ANO7: variants seen among roughly 807,000 people sequenced by gnomAD.
ANO7 encodes anoctamin 7, also known as anoctamin-7.
Under a neutral mutation model 115.8 loss-of-function variants are expected in ANO7, and 114 were observed. The observed-to-expected ratio is 0.98, with a 90% CI of 0.85 to 1.15. ANO7 has a LOEUF of 1.15. Ranked by LOEUF, ANO7 falls within the 50% of genes most tolerant of loss-of-function variation. ANO7 has a pLI of 0.00. For synonymous variants in ANO7, 550 were observed against 498.2 expected (o/e 1.10, Z -1.38); for missense variants, 1,302 against 1,201.2 (o/e 1.08, Z -1.24).
chr2:241,227,584 A>C (rs555943485), downstream of ANO7: 5 of 152,760 alleles, frequency 3.3e-5, no homozygotes, highest in Admixed American at 6.5e-5. Flanking sequence ...AGGAAAAGAG[A>C]GCGCTGAACA....
At chr2:241,196,135 C>T (rs370295161) in intron 4 of ANO7, 96 of 1,347,190 alleles carry the variant, frequency 7.1e-5, no homozygotes, top group Non-Finnish European at 8.8e-5. Flanking sequence ...TCACCTGTCC[C>T]GTCTCCAACA....
chr2:241,201,802 G>A (rs748386303), intron 7 of ANO7, among the ~76,000 whole-genome samples: 39 of 150,614 alleles, frequency 2.6e-4, no homozygotes, highest in Non-Finnish European at 1.8e-4. Flanking sequence ...CAGTCACGTG[G>A]CTGCCCAGGT....
At chr2:241,233,982 A>C in the ANO7 span, 3 of 1,613,868 alleles carry the variant, frequency 1.9e-6, no homozygotes, top group Non-Finnish European at 1.7e-6. The surrounding 1 kb of genome is among the most constrained non-coding windows in gnomAD (Gnocchi z 4.3). Flanking sequence ...GAAAGGAGCA[A>C]GAATGAGGCA....
At chr2:241,200,825 C>T (rs1435286530) in intron 6 of ANO7, among the ~76,000 whole-genome samples, 2 of 152,240 alleles carry the variant, frequency 1.3e-5, no homozygotes, top group Admixed American at 6.5e-5. Context: ...CCGTGTTGCC[C>T]CACCTATGGC....
chr2:241,218,595 T>C (rs2068929433), intron 21 of ANO7, among the ~76,000 whole-genome samples: 1 of 152,058 alleles, frequency 6.6e-6, no homozygotes, highest in African/African-American at 2.4e-5. Context: ...GGAGGGCAAA[T>C]CGTGGATTCT....
chr2:241,235,067 G>A, the ANO7 span: 1 of 1,593,804 alleles, frequency 6.3e-7, no homozygotes, highest in Admixed American at 1.7e-5. Flanking sequence ...TCTGACATGT[G>A]CCCAAAGCTG....
At chr2:241,215,318 C>T (rs929044992) in intron 18 of ANO7, among the ~76,000 whole-genome samples, 9 of 152,236 alleles carry the variant, frequency 5.9e-5, no homozygotes, top group Non-Finnish European at 1.3e-4. Flanking sequence ...CTCAGACACA[C>T]GTCTGCCTCA....
intron 3 of ANO7, 67 bp from the exon 4 acceptor site, chr2:241,195,636 C>T (rs1227745922): frequency 6.6e-6 from 10 of 1,511,656 alleles, no homozygotes; most frequent in Non-Finnish European, 7.3e-6. Flanking sequence ...GGGATGCTGG[C>T]ATCCCTTCCC....
At position 241,223,828 on chromosome 2, in the gene ANO7, A is replaced by G. The variant is rs368350589; in HGVS notation, c.2532+47A>G. ...CGGCCCTCCCCCCAGCCCTCTCCCT[A>G]TCCTTGTCAGTGGCTGCTCTACCTC... On this transcript the variant is annotated intron_variant, in intron 23 of 24. Coordinates refer to ENST00000674324, the MANE Select transcript of ANO7 (RefSeq NM_001370694.2). 6 of 1,613,640 alleles carry G rather than the reference A, an allele frequency of 3.7e-6. No homozygotes were observed. In the African/African-American group the frequency reaches 5.3e-5, roughly 14 times the overall value.
chr2:241,204,902 G>A lies in ANO7; in HGVS notation c.927G>A (p.Val309=). The change falls in exon 10 of 25, where the codon GTG becomes GTA. Residue 309 remains valine, a synonymous_variant. Transcript: ENST00000674324. Reference sequence around the variant, plus strand: ...GCTGGCTCCTGCCAGCGGCAGTGGTGGGCACACTGGTGTTCCTGGTGGGCT... The same window carrying A: ...GCTGGCTCCTGCCAGCGGCAGTGGTAGGCACACTGGTGTTCCTGGTGGGCT... The part of the protein sequence containing the change: ...YTGWLLPAAV[V]GTLVFLVGCF... 6.2e-7 allele frequency: 1 copy of A among 1,613,980 alleles called. No individual in the cohort carries two copies. Among genetic ancestry groups the A allele is most frequent in the South Asian group, 1.1e-5 (1 of 91,070 alleles).
At chr2:241,230,668 A>AG (rs1031448185), downstream of ANO7, 20 of 1,113,056 alleles carry the variant, frequency 1.8e-5, no homozygotes, top group African/African-American at 1.8e-4. This position sits in a 1 kb window ranked among gnomAD's most constrained non-coding sequence, Gnocchi z 5.0. Context: ...CATCATCTTG[A>AG]GGGGAAGGCC....
downstream of ANO7, chr2:241,229,965 CAGG>C (rs1164604378): frequency 1.4e-5 from 23 of 1,593,308 alleles, no homozygotes; most frequent in Non-Finnish European, 1.9e-5. Context: ...CAGCTAGCTG[CAGG>C]CAGAAGACAG....
At chr2:241,212,267 C>A in intron 16 of ANO7, 62 bp downstream of exon 16, 1 of 1,469,192 alleles carries the variant, frequency 6.8e-7, no homozygotes, top group Non-Finnish European at 9.5e-7. Flanking sequence ...TCATGTTTCC[C>A]GCTGCCTGGG....
downstream of ANO7, chr2:241,229,784 G>GGGGCC: frequency 1.3e-6 from 2 of 1,502,546 alleles, no homozygotes; most frequent in South Asian, 1.2e-5. Context: ...AAGCCCGCCT[G>GGGGCC]CCCGCCCACC....
chr2:241,212,363 A>C (rs2068736618), intron 16 of ANO7, among the ~76,000 whole-genome samples, 158 bp downstream of exon 16: 1 of 152,146 alleles, frequency 6.6e-6, no homozygotes, highest in South Asian at 2.1e-4. Flanking sequence ...GCCTCCTGGC[A>C]CCTCTGAGCA....
chr2:241,235,176 GCCCGGT>G, the ANO7 span: 1 of 1,614,128 alleles, frequency 6.2e-7, no homozygotes, highest in Non-Finnish European at 8.5e-7. Flanking sequence ...TCCAGCCTTG[GCCCGGT>G]CCAAATTTGC....
intron 15 of ANO7, among the ~76,000 whole-genome samples, 179 bp downstream of exon 15, chr2:241,210,749 G>A (rs1052575129): frequency 1.3e-5 from 2 of 152,174 alleles, no homozygotes; most frequent in Admixed American, 1.3e-4. Context: ...GCACGATCAT[G>A]GCTCACTGTA....
rs767829845 is a variant in ANO7, at chr2:241,191,190, C to T, written c.109-4C>T. 2.2e-5 allele frequency: 35 copies of T among 1,613,932 alleles called. No individual in the cohort carries two copies. In the South Asian group the frequency reaches 3.8e-4, roughly 18 times the overall value. On this transcript the variant is annotated splice_polypyrimidine_tract_variant and splice_region_variant and intron_variant, in intron 2 of 24. Coordinates refer to ENST00000674324, the MANE Select transcript of ANO7 (RefSeq NM_001370694.2). ...TATGCTTCTCCATCCTCCATGCCTT[C>T]CAGCCAGGTGGACAGCAAGCGGCCG...
chr2:241,209,183 G>A (rs1264160335), intron 11 of ANO7, 102 bp from the exon 12 acceptor site: 1 of 1,304,864 alleles, frequency 7.7e-7, no homozygotes, highest in African/African-American at 1.5e-5. Context: ...GTCGGGGGAT[G>A]TGTGTGGGAT....
Sources: gnomAD v4.1 joint callset for allele counts (sites outside exome capture counted in the v4.1 genomes callset) on GRCh38, gnomAD v4.1.1 for gene constraint, Gnocchi (gnomAD v3.1) non-coding constraint, MANE v1.5 for transcripts, NCBI Gene and HGNC (gene_info 2026-07-23, HGNC 2026-07-21) for gene names.